The following KLHL5 variants were observed in gnomAD, a reference collection of about 807,000 sequenced individuals.
The protein encoded by KLHL5 is kelch-like protein 5.
A neutral mutation model predicts 77.7 loss-of-function variants in KLHL5; 48 were observed. The ratio of observed to expected loss-of-function variants is 0.62; its 90% confidence interval spans 0.49 to 0.79. KLHL5 has a LOEUF of 0.79. KLHL5 is among the 30% of genes least tolerant of loss of function. KLHL5 has a pLI of 0.00. For missense variants in KLHL5, 723 were observed against 859.7 expected (o/e 0.84, Z 1.99); for synonymous variants, 260 against 297.0 (o/e 0.88, Z 1.28).
In KLHL5 at chr4:39,077,863, T is replaced by C. The variant is rs537596292; in HGVS notation, c.566+1716T>C. ...ACCACAATTTTCAATTGCAAAATTA[T>C]AGAACCAGCCCAAATGCCCATCAAT... On this transcript the variant is annotated intron_variant, in intron 2 of 10. Transcript: ENST00000504108. Among the ~76,000 whole-genome samples, 3 of 152,296 alleles carry C rather than the reference T, an allele frequency of 2.0e-5. No homozygotes were observed. The South Asian group carries it at 6.2e-4, about 32-fold the overall frequency.
At chr4:39,136,840 G>T in the KLHL5 span, among the ~76,000 whole-genome samples, 1 of 152,196 alleles carries the variant, frequency 6.6e-6, no homozygotes, top group African/African-American at 2.4e-5. Context: ...CCCTGTGCAT[G>T]GTGTGGGCTT....
chr4:39,109,094 A>G (rs1296318731), intron 8 of KLHL5, among the ~76,000 whole-genome samples: 1 of 152,162 alleles, frequency 6.6e-6, no homozygotes, highest in Non-Finnish European at 1.5e-5. Context: ...ACTATTAAGA[A>G]ATTTGATTTT....
chr4:39,126,253 TA>T, downstream of KLHL5, among the ~76,000 whole-genome samples: 1 of 152,340 alleles, frequency 6.6e-6, no homozygotes. Flanking sequence ...ACTCATGTAA[TA>T]TTTTTTATTT....
intron 5 of KLHL5, among the ~76,000 whole-genome samples, chr4:39,093,976 C>G (rs991348082): frequency 1.3e-5 from 2 of 152,000 alleles, no homozygotes; most frequent in Non-Finnish European, 2.9e-5. Flanking sequence ...CTAAATGTTA[C>G]AGCAACTATT....
upstream of KLHL5, among the ~76,000 whole-genome samples, chr4:39,061,333 A>G (rs1717400710): frequency 6.6e-6 from 1 of 152,214 alleles, no homozygotes; most frequent in Non-Finnish European, 1.5e-5. Flanking sequence ...GTATGGAATT[A>G]GTTGATAAAG....
chr4:39,117,453 G>A (rs991405298), intron 10 of KLHL5, among the ~76,000 whole-genome samples: 2 of 152,142 alleles, frequency 1.3e-5, no homozygotes, highest in Admixed American at 6.6e-5. Flanking sequence ...GGGGAAGTGA[G>A]GGCTGGATAA....
chr4:39,100,959 A>G (rs2109499469), intron 6 of KLHL5, among the ~76,000 whole-genome samples: 1 of 152,124 alleles, frequency 6.6e-6, no homozygotes, highest in East Asian at 1.9e-4. Flanking sequence ...TATAGGGCCA[A>G]ACAAATCAGC....
intron 1 of KLHL5, among the ~76,000 whole-genome samples, chr4:39,045,672 T>C (rs1716127198): frequency 6.6e-6 from 1 of 152,082 alleles, no homozygotes; most frequent in Non-Finnish European, 1.5e-5. Flanking sequence ...TGCTCTGGGA[T>C]CAGAAGCTGG....
chr4:39,054,136 C>G (rs1224323733), intron 1 of KLHL5, among the ~76,000 whole-genome samples: 1 of 152,208 alleles, frequency 6.6e-6, no homozygotes, highest in Non-Finnish European at 1.5e-5. Context: ...CTGCTACTCT[C>G]TACTAGACAT....
chr4:39,090,782 C>T (rs1720463443), intron 5 of KLHL5, among the ~76,000 whole-genome samples: 1 of 151,666 alleles, frequency 6.6e-6, no homozygotes, highest in African/African-American at 2.4e-5. Flanking sequence ...CTGAATAATC[C>T]AGAAGAGAAG....
chr4:39,054,396 C>T (rs1283492222), intron 1 of KLHL5, among the ~76,000 whole-genome samples: 3 of 152,158 alleles, frequency 2.0e-5, no homozygotes, highest in African/African-American at 7.2e-5. Flanking sequence ...GAGTGGTGGG[C>T]TGGGGGCAGG....
intron 1 of KLHL5, among the ~76,000 whole-genome samples, chr4:39,068,437 CTGTGTGTGTGTG>C (rs71192818): frequency 7.4e-5 from 11 of 147,860 alleles, no homozygotes; most frequent in Admixed American, 6.8e-4. Flanking sequence ...CCAGAAAACA[CTGTGTGTGTGTG>C]TGTGTGTGTG....
rs142054317 is a variant in KLHL5, at chr4:39,096,774, A to G, written c.1196A>G (p.His399Arg). The G allele has an allele frequency of 1.2e-6, 2 of 1,613,060 alleles. No homozygotes were observed. Among genetic ancestry groups the G allele is most frequent in the Non-Finnish European group, 1.7e-6 (2 of 1,179,028 alleles). ...CTCATTATGGAAGCAATGAAGTACCATTTATTACCAGAGAGACGACCCATG... is the reference window on the plus strand; with the variant it reads ...CTCATTATGGAAGCAATGAAGTACCGTTTATTACCAGAGAGACGACCCATG... ...QKLIMEAMKY[H>R]LLPERRPMLQ... The change falls in exon 6 of 11, where the codon CAT becomes CGT. Residue 399 changes from histidine to arginine, a missense_variant. Transcript: ENST00000504108.
the KLHL5 span, among the ~76,000 whole-genome samples, chr4:39,137,459 A>G: frequency 6.6e-6 from 1 of 152,058 alleles, no homozygotes; most frequent in Non-Finnish European, 1.5e-5. Context: ...TGTCTCTACA[A>G]AAAATAAATA....
intron 1 of KLHL5, among the ~76,000 whole-genome samples, chr4:39,049,632 A>C (rs969263380): frequency 6.6e-6 from 1 of 152,072 alleles, no homozygotes; most frequent in African/African-American, 2.4e-5. Context: ...TTGGCAGGTC[A>C]AGGCTGCAGT....
At chr4:39,134,595 CA>C in the KLHL5 span, among the ~76,000 whole-genome samples, 2 of 152,184 alleles carry the variant, frequency 1.3e-5, no homozygotes, top group Admixed American at 1.3e-4. Context: ...ACATCCTCAC[CA>C]CATCTGTGCT....
Position 39,062,451 on chromosome 4 carries a change from T to C in KLHL5, c.-202T>C. 1.9e-6 allele frequency: 3 copies of C among 1,544,896 alleles called. No homozygotes were observed. In the South Asian group the frequency reaches 3.9e-5, roughly 20 times the overall value. ...GGAATGTTCCACCGTGTTTCATCTTTATTCATTATCCTTTGTTCTTTAAAA... is the reference window on the plus strand; with the variant it reads ...GGAATGTTCCACCGTGTTTCATCTTCATTCATTATCCTTTGTTCTTTAAAA... On this transcript the variant is annotated 5_prime_UTR_variant, in exon 1 of 11. Transcript: ENST00000504108.
Position 39,062,631 on chromosome 4 carries a change from C to A in KLHL5, c.-22C>A. The stretch of plus-strand genomic sequence containing the variant: ...CAGTGCTTTTTGCCCGTTGCCTAGA[C>A]GATCACTTGGTTTCTCTGAGGATGT... On this transcript the variant is annotated 5_prime_UTR_variant, in exon 1 of 11. Transcript: ENST00000504108. 1 of 1,614,098 alleles carries A rather than the reference C, an allele frequency of 6.2e-7. No homozygotes were observed. Among genetic ancestry groups the A allele is most frequent in the Admixed American group, 1.7e-5 (1 of 59,998 alleles).
downstream of KLHL5, among the ~76,000 whole-genome samples, chr4:39,131,461 G>A (rs1024568077): frequency 3.9e-5 from 6 of 152,122 alleles, no homozygotes; most frequent in Non-Finnish European, 8.8e-5. Flanking sequence ...TGGTTTCTGG[G>A]TACCATGTTT....
Sources: gnomAD v4.1 joint callset for allele counts (sites outside exome capture counted in the v4.1 genomes callset) on GRCh38, gnomAD v4.1.1 for gene constraint, MANE v1.5 for transcripts, NCBI Gene and HGNC (gene_info 2026-07-23, HGNC 2026-07-21) for gene names.